Variants in OPN4 observed in about 807,000 individuals in gnomAD.
OPN4 encodes the protein opsin 4.
Under a neutral mutation model 49.5 loss-of-function variants are expected in OPN4, and 43 were observed. The observed-to-expected ratio is 0.87, with a 90% CI of 0.68 to 1.12. The LOEUF (loss-of-function observed/expected upper bound fraction) is 1.12, where lower values mean the gene tolerates loss of function less well. Among genes scored for constraint, OPN4 ranks in the 50% most tolerant of loss-of-function variants. The pLI is 0.00. For synonymous variants in OPN4, 263 were observed against 258.0 expected (o/e 1.02, Z -0.19); for missense variants, 657 against 643.9 (o/e 1.02, Z -0.22).
rs7901458 is a variant in OPN4 at position 86,657,206 on chromosome 10, G to C, written c.291-826G>C. On this transcript the variant is annotated intron_variant, in intron 2 of 9. Transcript: ENST00000241891. ...TTTCCGCAAAACAGAGCTGTGCTTC[G>C]TGGAGTCACTGTGATGATGCAGTAA... 9.5e-5 allele frequency: 74 copies of C among 780,646 alleles called. 1 individual carries two copies. In the East Asian group the frequency reaches 1.1e-3, roughly 12 times the overall value. 48.4% of individuals were successfully genotyped at this position (780,646 alleles called of 1,614,324 possible). A position where few individuals can be genotyped will look rare whatever the true frequency, so the allele number is the denominator to read the frequency against.
chr10:86,665,255 G>A (rs1004081824), intron 9 of OPN4, among the ~76,000 whole-genome samples: 1 of 152,068 alleles, frequency 6.6e-6, no homozygotes, highest in African/African-American at 2.4e-5. Context: ...GGCCCCATCA[G>A]GGACTGGCTT....
intron 2 of OPN4, among the ~76,000 whole-genome samples, chr10:86,657,412 G>A (rs896619320): frequency 6.6e-6 from 1 of 152,202 alleles, no homozygotes; most frequent in Non-Finnish European, 1.5e-5. Context: ...TGGCCCGGCC[G>A]TGGTGCACAG....
intron 8 of OPN4, 109 bp from the exon 9 acceptor site, chr10:86,663,550 C>G (rs763685877): frequency 4.7e-6 from 5 of 1,071,202 alleles, no homozygotes; most frequent in Non-Finnish European, 6.3e-6. Context: ...AGGGGCCTCC[C>G]GCAATGAATA....
rs777454188 is a variant in OPN4, at chr10:86,658,032, GAGC to G, written c.294_296del (p.Ser98del). The G allele has an allele frequency of 1.4e-5, 22 of 1,612,394 alleles. No individual in the cohort carries two copies. Among genetic ancestry groups the G allele is most frequent in the Non-Finnish European group, 1.9e-5 (22 of 1,179,884 alleles). On this transcript the variant is annotated inframe_deletion and splice_region_variant, in exon 3 of 10. Transcript: ENST00000241891. The stretch of plus-strand genomic sequence containing the variant: ...TCCTAACAGCTTCTGATCCTCCCAG[GAGC>G]AGAAGCCTCCGGACACCTGCCAACA...
At chr10:86,664,939 A>G (rs543376914) in intron 9 of OPN4, among the ~76,000 whole-genome samples, 14 of 152,292 alleles carry the variant, frequency 9.2e-5, no homozygotes, top group African/African-American at 3.4e-4. Context: ...AAGCGCTGCC[A>G]TTGAGGTGTG....
intron 4 of OPN4, among the ~76,000 whole-genome samples, chr10:86,658,990 C>A (rs542244697): frequency 6.6e-6 from 1 of 152,338 alleles, no homozygotes; most frequent in East Asian, 1.9e-4. Context: ...GGTGTGAGGA[C>A]TCTGAAGGTG....
Position 86,666,248 on chromosome 10 carries a change from A to ACT in OPN4, c.*497_*498insCT, listed in dbSNP as rs879695974. 0.02 allele frequency: 3,848 copies of ACT among 189,920 alleles called. 63 individuals carry two copies. The highest frequency in any genetic ancestry group is 0.033 in the Middle Eastern group (15 of 454). The allele number at this position is 189,920 out of a possible 1,614,324, so 11.8% of individuals were successfully genotyped here. The stretch of plus-strand genomic sequence containing the variant: ...TTACTCACCTGTGGCTTCTTCCCCC[A>ACT]GTGTACCGTTCCACTGTGGCCCACA... On this transcript the variant is annotated 3_prime_UTR_variant, in exon 10 of 10. Coordinates refer to ENST00000241891, the MANE Select transcript of OPN4 (RefSeq NM_033282.4).
chr10:86,659,872 C>T lies in OPN4; in HGVS notation c.801-23C>T, dbSNP rs373942765. On this transcript the variant is annotated intron_variant, in intron 5 of 9. Transcript: ENST00000241891. ...TGACTGCCACCCGACTAGGGTCAGA[C>T]CTGGACGATGCGTCCTTCCTAGGGC... is the stretch of plus-strand genomic sequence containing the variant. The T allele has an allele frequency of 3.1e-6, 5 of 1,613,490 alleles. No homozygotes were observed. In the Middle Eastern group the frequency reaches 6.8e-4, roughly 218 times the overall value.
chr10:86,666,421 T>C lies in OPN4; in HGVS notation c.*670T>C. The C allele has an allele frequency of 4.9e-6, 1 of 205,576 alleles. No individual in the cohort carries two copies. The highest frequency in any genetic ancestry group is 1.0e-5 in the Non-Finnish European group (1 of 99,160). The allele number at this position is 205,576 out of a possible 1,614,324, so 12.7% of individuals were successfully genotyped here. On this transcript the variant is annotated 3_prime_UTR_variant, in exon 10 of 10. Coordinates refer to ENST00000241891, the MANE Select transcript of OPN4 (RefSeq NM_033282.4). ...CCAGGGCTGTGTGGATCTGACAGGG[T>C]ATAGGAAAATAAAAAGCGGAGAAGG...
chr10:86,664,718 G>A (rs892351599), intron 9 of OPN4, among the ~76,000 whole-genome samples: 6 of 152,110 alleles, frequency 3.9e-5, no homozygotes, highest in Admixed American at 2.0e-4. Flanking sequence ...ACCTGCAGTC[G>A]GGGAGCCTCA....
intron 5 of OPN4, 63 bp from the exon 6 acceptor site, chr10:86,659,832 C>G: frequency 6.4e-7 from 1 of 1,555,230 alleles, no homozygotes; most frequent in Non-Finnish European, 8.8e-7. Context: ...CCAACAGCAG[C>G]CGTGACCCTG....
At chr10:86,656,553 T>C (rs1008612142) in intron 2 of OPN4, among the ~76,000 whole-genome samples, 22 of 151,678 alleles carry the variant, frequency 1.5e-4, no homozygotes, top group African/African-American at 5.1e-4. Flanking sequence ...CTGTGGAGGG[T>C]GTGTGTGCCC....
intron 7 of OPN4, among the ~76,000 whole-genome samples, chr10:86,661,928 G>T (rs911628638): frequency 1.3e-5 from 2 of 152,148 alleles, no homozygotes; most frequent in African/African-American, 4.8e-5. Flanking sequence ...GGCTGCTCCA[G>T]AGTGTCCCTG....
Position 86,658,543 on chromosome 10 carries a change from A to C in OPN4, c.484A>C (p.Thr162Pro). 1 of 1,614,158 alleles carries C rather than the reference A, an allele frequency of 6.2e-7. No homozygotes were observed. The highest frequency in any genetic ancestry group is 8.5e-7 in the Non-Finnish European group (1 of 1,180,034). ...LFGISSMITL[T>P]AIALDRYLVI... ...TGGCATTTCCTCCATGATCACCCTG[A>C]CGGCCATCGCCCTGGACCGCTACCT... Residue 162 changes from threonine (T) to proline (P), a missense_variant, in exon 4 of 10, where the codon ACG becomes CCG. Coordinates refer to ENST00000241891, the MANE Select transcript of OPN4 (RefSeq NM_033282.4).
At chr10:86,663,475 C>A (rs1403861255) in intron 8 of OPN4, among the ~76,000 whole-genome samples, 184 bp from the exon 9 acceptor site, 2 of 152,236 alleles carry the variant, frequency 1.3e-5, no homozygotes, top group African/African-American at 4.8e-5. Context: ...CATACACACA[C>A]CCTAGGACAG....
At chr10:86,660,208 G>A in intron 6 of OPN4, 149 bp downstream of exon 6, 1 of 928,962 alleles carries the variant, frequency 1.1e-6, no homozygotes, top group Non-Finnish European at 1.6e-6. Context: ...CCCTGGGTAA[G>A]GTGCCCAGCC....
At chr10:86,655,322 C>T (rs1417014056) in intron 1 of OPN4, among the ~76,000 whole-genome samples, 1 of 152,184 alleles carries the variant, frequency 6.6e-6, no homozygotes, top group Non-Finnish European at 1.5e-5. Flanking sequence ...TCTGCCACCT[C>T]CATCATCCTA....
chr10:86,655,320 C>T (rs1843838967), intron 1 of OPN4, among the ~76,000 whole-genome samples: 1 of 152,186 alleles, frequency 6.6e-6, no homozygotes. Context: ...CTTCTGCCAC[C>T]TCCATCATCC....
chr10:86,664,553 C>A (rs1376749022), intron 9 of OPN4, among the ~76,000 whole-genome samples: 1 of 152,226 alleles, frequency 6.6e-6, no homozygotes, highest in Admixed American at 6.5e-5. Context: ...AGCTCCCCAT[C>A]TGCCCCTCCT....
Sources: allele counts gnomAD v4.1 joint callset (sites outside exome capture counted in the v4.1 genomes callset), GRCh38; gene constraint gnomAD v4.1.1; transcripts MANE v1.5; gene names NCBI Gene and HGNC (gene_info 2026-07-23, HGNC 2026-07-21).